The following DNAL4 variants were observed in gnomAD, a reference collection of about 807,000 sequenced individuals.
DNAL4 encodes the protein dynein light chain, outer arm 4.
DNAL4 carries 10 observed loss-of-function variants against 12.6 expected under a neutral mutation model. The ratio of observed to expected loss-of-function variants is 0.79; its 90% CI spans 0.49 to 1.34. The LOEUF (loss-of-function observed/expected upper bound fraction) is 1.34. Among genes scored for constraint, DNAL4 ranks in the 40% most tolerant of loss-of-function variants. The pLI is 0.00. For synonymous variants in DNAL4, 46 were observed against 53.1 expected, an observed-to-expected ratio of 0.87 and a Z score of 0.58; for missense variants, 128 against 138.1, an observed-to-expected ratio of 0.93 and a Z score of 0.37.
intron 1 of DNAL4, among the ~76,000 whole-genome samples, chr22:38,783,158 G>A (rs1381567344): frequency 6.6e-6 from 1 of 152,114 alleles, no homozygotes; most frequent in Non-Finnish European, 1.5e-5. Flanking sequence ...GTGAGCAAAT[G>A]CAGTTTCCCC....
chr22:38,781,697 T>C (rs373111499), intron 2 of DNAL4, among the ~76,000 whole-genome samples: 3 of 152,280 alleles, frequency 2.0e-5, no homozygotes, highest in East Asian at 1.9e-4. Context: ...TGGTAATTGA[T>C]ACCATTTTTT....
In DNAL4 at chr22:38,779,484, C is replaced by A. The variant is rs1209045973; in HGVS notation, c.283G>T (p.Gly95Cys). The A allele has an allele frequency of 6.3e-7, 1 of 1,579,756 alleles. No individual in the cohort carries two copies. The stretch of plus-strand genomic sequence containing the variant: ...TTCCAGACGCACACAGCCAGGGTGC[C>A]CCCGAAGTACAGGTAGAGGAGGTTC... ...VKNLLYLYFG[G>C]TLAVCVWKCS The change falls in exon 4 of 4, where the codon GGC (glycine) becomes TGC (cysteine). Residue 95 changes from glycine to cysteine, a missense_variant. Gly to Cys is a radical substitution (Grantham distance 159). Coordinates refer to ENST00000216068, the MANE Select transcript of DNAL4 (RefSeq NM_005740.3). This position sits in a 1 kb window ranked among gnomAD's most constrained non-coding sequence, Gnocchi z 4.3.
At chr22:38,790,895 C>T (rs142642142) in intron 1 of DNAL4, among the ~76,000 whole-genome samples, 168 of 152,268 alleles carry the variant, frequency 1.1e-3, no homozygotes, top group African/African-American at 3.8e-3. Context: ...TGGCCGGGTG[C>T]GGTGGCTCAC....
At chr22:38,783,289 G>T (rs1417546683) in intron 1 of DNAL4, among the ~76,000 whole-genome samples, 2 of 149,646 alleles carry the variant, frequency 1.3e-5, no homozygotes, top group Non-Finnish European at 3.0e-5. Context: ...TACATACACG[G>T]GCCTTCCCTC....
At position 38,782,642 on chromosome 22, in the gene DNAL4, C is replaced by G. The variant is rs1280896508; in HGVS notation, c.69+21G>C. ...TGTGTGGGCCCTGCCGGCAGTCCTG[C>G]CTCCCTCCCCTGGGGCTTACCCTGA... On this transcript the variant is annotated intron_variant, in intron 2 of 3. Coordinates refer to ENST00000216068, the MANE Select transcript of DNAL4 (RefSeq NM_005740.3). The surrounding 1 kb of genome is among the most constrained non-coding windows in gnomAD (Gnocchi z 5.1). The G allele has an allele frequency of 6.2e-7, 1 of 1,612,102 alleles. No homozygotes were observed. The highest frequency in any genetic ancestry group is 1.7e-5 in the Admixed American group (1 of 59,794).
At chr22:38,784,331 G>C (rs2093038904) in intron 1 of DNAL4, among the ~76,000 whole-genome samples, 1 of 152,132 alleles carries the variant, frequency 6.6e-6, no homozygotes, top group South Asian at 2.1e-4. Flanking sequence ...CAGCTAAGGT[G>C]TGAATCCAGG....
chr22:38,790,984 A>G (rs1003116547), intron 1 of DNAL4, among the ~76,000 whole-genome samples: 5 of 152,162 alleles, frequency 3.3e-5, no homozygotes, highest in African/African-American at 4.8e-5. Flanking sequence ...CCTGGCCAAC[A>G]TGGCAAAACC....
intron 1 of DNAL4, among the ~76,000 whole-genome samples, chr22:38,784,734 C>T (rs1335968598): frequency 2.0e-5 from 3 of 152,114 alleles, no homozygotes; most frequent in African/African-American, 4.8e-5. Context: ...AGGATGGTCT[C>T]GATCTCCTGA....
At chr22:38,786,933 G>A (rs1398479885) in intron 1 of DNAL4, among the ~76,000 whole-genome samples, 1 of 152,206 alleles carries the variant, frequency 6.6e-6, no homozygotes, top group Non-Finnish European at 1.5e-5. Context: ...TCCTAAAGAG[G>A]GTTAGGGTGT....
intron 2 of DNAL4, among the ~76,000 whole-genome samples, chr22:38,781,650 G>C (rs1413649749): frequency 4.6e-5 from 7 of 152,078 alleles, no homozygotes; most frequent in African/African-American, 1.7e-4. Flanking sequence ...AAAATAACTT[G>C]ATTCCCACAA....
chr22:38,789,799 G>A (rs895318875), intron 1 of DNAL4, among the ~76,000 whole-genome samples: 8 of 152,188 alleles, frequency 5.3e-5, no homozygotes, highest in Admixed American at 1.3e-4. Context: ...TTTGAGTCAG[G>A]CCTGGAAAGG....
At chr22:38,780,662 GC>G in intron 3 of DNAL4, 1 of 476,752 alleles carries the variant, frequency 2.1e-6, no homozygotes, top group South Asian at 2.5e-5. Context: ...CTATTCAGCA[GC>G]CCACCTGAGG....
At chr22:38,793,839 A>G (rs1361022870) in intron 1 of DNAL4, among the ~76,000 whole-genome samples, 1 of 150,378 alleles carries the variant, frequency 6.6e-6, no homozygotes, top group Non-Finnish European at 1.5e-5. Context: ...GGGGAAGAGC[A>G]GCCGGCAGAG....
At chr22:38,791,995 A>G (rs1394322889) in intron 1 of DNAL4, among the ~76,000 whole-genome samples, 1 of 151,986 alleles carries the variant, frequency 6.6e-6, no homozygotes, top group African/African-American at 2.4e-5. Flanking sequence ...GTGAGCCACC[A>G]TGCCTGGCCA....
At chr22:38,789,248 T>C (rs1162804626) in intron 1 of DNAL4, among the ~76,000 whole-genome samples, 6 of 152,190 alleles carry the variant, frequency 3.9e-5, no homozygotes, top group Admixed American at 6.5e-5. Context: ...TGCAGGTATA[T>C]ATGACTTCAA....
chr22:38,792,525 T>G (rs577026267), intron 1 of DNAL4, among the ~76,000 whole-genome samples: 1 of 152,264 alleles, frequency 6.6e-6, no homozygotes, highest in Non-Finnish European at 1.5e-5. Flanking sequence ...TCAGGTGATC[T>G]GCCTGTGTCG....
rs140264912 is a variant in DNAL4 at position 38,779,151 on chromosome 22, C to G, written c.*298G>C. ...AAAGGGGGACTGGCGTGTTCCTGTGCGGAAGATCTCATCTCCCACCTCCTC... is the reference window on the plus strand; with the variant it reads ...AAAGGGGGACTGGCGTGTTCCTGTGGGGAAGATCTCATCTCCCACCTCCTC... On this transcript the variant is annotated 3_prime_UTR_variant, in exon 4 of 4. Transcript: ENST00000216068. The surrounding 1 kb of genome is among the most constrained non-coding windows in gnomAD (Gnocchi z 4.3). 1 of 256,144 alleles carries G rather than the reference C, an allele frequency of 3.9e-6. No individual in the cohort carries two copies. Among genetic ancestry groups the G allele is most frequent in the Non-Finnish European group, 7.4e-6 (1 of 135,250 alleles). 15.9% of individuals were successfully genotyped at this position (256,144 alleles called of 1,614,324 possible).
rs2093033566 is a variant in DNAL4 at position 38,781,013 on chromosome 22, G to T, written c.70-4C>A. The T allele has an allele frequency of 6.2e-7, 1 of 1,613,964 alleles. No homozygotes were observed. Among genetic ancestry groups the T allele is most frequent in the Admixed American group, 1.7e-5 (1 of 59,980 alleles). ...TCTCCTCTGGCATGTCCGAGTGCTA[G>T]AGACAGGGCAGGGGTAACAAACAAG... On this transcript the variant is annotated splice_region_variant and splice_polypyrimidine_tract_variant and intron_variant, in intron 2 of 3. Coordinates refer to ENST00000216068, the MANE Select transcript of DNAL4 (RefSeq NM_005740.3).
At position 38,779,291 on chromosome 22, in the gene DNAL4, G is replaced by A; in HGVS notation, c.*158C>T. 5 of 981,974 alleles carry A rather than the reference G, an allele frequency of 5.1e-6. No individual in the cohort carries two copies. The highest frequency in any genetic ancestry group is 7.2e-6 in the Non-Finnish European group (5 of 694,378). The allele number at this position is 981,974 out of a possible 1,614,324, so 60.8% of individuals were successfully genotyped here. A position where few individuals can be genotyped will look rare whatever the true frequency, so the allele number is the denominator to read the frequency against. ...GAGAGCCTGGGGATGGAGATGTCAA[G>A]TTCACACACTGGGCGTGGCTCAGGA... On this transcript the variant is annotated 3_prime_UTR_variant, in exon 4 of 4. Coordinates refer to ENST00000216068, the MANE Select transcript of DNAL4 (RefSeq NM_005740.3). The surrounding 1 kb of genome is among the most constrained non-coding windows in gnomAD (Gnocchi z 4.3).
Sources: allele counts gnomAD v4.1 joint callset (sites outside exome capture counted in the v4.1 genomes callset), GRCh38; gene constraint gnomAD v4.1.1; non-coding constraint Gnocchi (gnomAD v3.1); transcripts MANE v1.5; gene names NCBI Gene and HGNC (gene_info 2026-07-23, HGNC 2026-07-21).